The following OTOG variants were observed in gnomAD, a reference collection of about 807,000 sequenced individuals.
OTOG encodes otogelin.
OTOG carries 296 observed loss-of-function variants against 313.8 expected under a neutral mutation model. That is an observed-to-expected ratio of 0.94 (90% CI 0.86 to 1.04). OTOG has a LOEUF of 1.04. OTOG is among the 50% of genes least tolerant of loss of function. The probability of loss-of-function intolerance (pLI) is 0.00; values close to 1 mark genes in which losing one functional copy is unlikely to be tolerated. For missense variants in OTOG, 3,948 were observed against 3,840.1 expected (o/e 1.03, Z -0.74); for synonymous variants, 1,533 against 1,554.9 (o/e 0.99, Z 0.33).
chr11:17,576,764 G>C, intron 21 of OTOG, 104 bp from the exon 22 acceptor site: 1 of 1,474,228 alleles, frequency 6.8e-7, no homozygotes. Flanking sequence ...AAGTGAGTGA[G>C]GGTGTCTTTC....
chr11:17,551,726 G>A (rs906418631), intron 3 of OTOG, among the ~76,000 whole-genome samples: 1 of 152,138 alleles, frequency 6.6e-6, no homozygotes, highest in Admixed American at 6.5e-5. Flanking sequence ...GAGGGGAGGG[G>A]CTGTGTTCCA....
At chr11:17,599,796 C>G in intron 31 of OTOG, 99 bp downstream of exon 31, 1 of 1,398,836 alleles carries the variant, frequency 7.1e-7, no homozygotes, top group African/African-American at 1.4e-5. Flanking sequence ...GCTGCTGGCC[C>G]TGGAAGAGCC....
intron 33 of OTOG, among the ~76,000 whole-genome samples, chr11:17,607,300 C>T (rs1328155818): frequency 6.6e-6 from 1 of 152,206 alleles, no homozygotes; most frequent in Non-Finnish European, 1.5e-5. Context: ...GAGCCTGCTT[C>T]GGAGCCTACC....
chr11:17,638,313 T>C (rs1847896707), intron 47 of OTOG, 138 bp from the exon 48 acceptor site: 4 of 732,590 alleles, frequency 5.5e-6, no homozygotes, highest in Non-Finnish European at 8.7e-6. Context: ...CCCAGACTCT[T>C]CCCTGGGGCT....
Position 17,556,855 on chromosome 11 carries a change from A to C in OTOG, c.660-263A>C, listed in dbSNP as rs146403541. On this transcript the variant is annotated intron_variant, in intron 7 of 55. Coordinates refer to ENST00000399397, the MANE Select transcript of OTOG (RefSeq NM_001292063.2). Reference sequence around the variant, plus strand: ...TAAAGCAGATGTTTGTTTATATTCTATCCTGTCTGGGAGAAAGGAACTTGG... The same window carrying C: ...TAAAGCAGATGTTTGTTTATATTCTCTCCTGTCTGGGAGAAAGGAACTTGG... Among the ~76,000 whole-genome samples the C allele has an allele frequency of 6.2e-3, 951 of 152,288 alleles. 16 individuals are homozygous for C. The highest frequency in any genetic ancestry group is 0.022 in the African/African-American group (899 of 41,546).
At chr11:17,631,662 G>A in intron 40 of OTOG, 40 bp from the exon 41 acceptor site, 1 of 1,484,484 alleles carries the variant, frequency 6.7e-7, no homozygotes, top group Admixed American at 2.0e-5. Flanking sequence ...GGGAGTGGTA[G>A]TGATGATCGT....
chr11:17,576,660 C>T (rs1378241468), intron 21 of OTOG, 30 bp downstream of exon 21: 3 of 1,529,338 alleles, frequency 2.0e-6, no homozygotes, highest in Non-Finnish European at 1.8e-6. Context: ...GCCTTCTTGT[C>T]CTCTCTTTAA....
At chr11:17,591,016 TA>T (rs1472299624) in intron 24 of OTOG, among the ~76,000 whole-genome samples, 1 of 152,236 alleles carries the variant, frequency 6.6e-6, no homozygotes, top group Non-Finnish European at 1.5e-5. Context: ...TATTATTTTT[TA>T]TTTAGTGTAT....
Position 17,610,018 on chromosome 11 carries a change from C to G in OTOG, c.4718C>G (p.Ala1573Gly). Residue 1573 changes from alanine to glycine, a missense_variant, in exon 36 of 56, where the codon GCA becomes GGA. By Grantham distance (60) the Ala-to-Gly change is moderately conservative. Coordinates refer to ENST00000399397, the MANE Select transcript of OTOG (RefSeq NM_001292063.2). ...HTPESSSLPVALQTPTPGMVS... is the reference protein window; with the variant it reads ...HTPESSSLPVGLQTPTPGMVS... ...CCAGAGTCCTCATCCCTCCCTGTTG[C>G]ACTGCAGACACCCACACCTGGCATG... The G allele has an allele frequency of 6.5e-7, 1 of 1,546,930 alleles. No homozygotes were observed. The highest frequency in any genetic ancestry group is 8.7e-7 in the Non-Finnish European group (1 of 1,144,450).
chr11:17,635,194 C>G lies in OTOG; in HGVS notation c.7693+7C>G, dbSNP rs1413319794. ...TGCACCTCCTACTTCTGCGGTGGGT[C>G]GCCGCCACCAGACGCCAGCGCACAC... On this transcript the variant is annotated splice_region_variant and intron_variant, in intron 46 of 55. Coordinates refer to ENST00000399397, the MANE Select transcript of OTOG (RefSeq NM_001292063.2). 1 of 1,536,970 alleles carries G rather than the reference C, an allele frequency of 6.5e-7. No individual in the cohort carries two copies. The highest frequency in any genetic ancestry group is 1.4e-5 in the African/African-American group (1 of 72,780).
intron 39 of OTOG, among the ~76,000 whole-genome samples, chr11:17,623,658 T>C (rs1853917288): frequency 6.6e-6 from 1 of 152,262 alleles, no homozygotes; most frequent in African/African-American, 2.4e-5. Context: ...TCTGGGTATA[T>C]ACCCAGTAAT....
chr11:17,639,573 G>A (rs1847924839), intron 49 of OTOG, 110 bp downstream of exon 49: 8 of 1,185,182 alleles, frequency 6.8e-6, no homozygotes, highest in South Asian at 4.2e-5. Context: ...GGAACCCGGG[G>A]TTGCAAGTCA....
intron 44 of OTOG, 86 bp from the exon 45 acceptor site, chr11:17,634,758 G>T (rs987337612): frequency 2.6e-6 from 3 of 1,153,814 alleles, no homozygotes; most frequent in African/African-American, 3.1e-5. Flanking sequence ...GCGTCCAGGG[G>T]TTGGGCAGTT....
chr11:17,638,989 G>T, intron 48 of OTOG: 1 of 369,888 alleles, frequency 2.7e-6, no homozygotes, highest in Non-Finnish European at 5.2e-6. Context: ...GAGGGTGGAC[G>T]TTGCAGTGAG....
At chr11:17,607,594 T>C (rs1008775369) in intron 33 of OTOG, among the ~76,000 whole-genome samples, 4 of 152,238 alleles carry the variant, frequency 2.6e-5, no homozygotes, top group African/African-American at 9.6e-5. Flanking sequence ...GTGAGATATT[T>C]TGGGTAGCGC....
At position 17,609,854 on chromosome 11, in the gene OTOG, G is replaced by T; in HGVS notation, c.4554G>T (p.Glu1518Asp). 1 of 1,518,702 alleles carries T rather than the reference G, an allele frequency of 6.6e-7. No homozygotes were observed. Among genetic ancestry groups the T allele is most frequent in the Non-Finnish European group, 8.9e-7 (1 of 1,127,464 alleles). 94.1% of individuals were successfully genotyped at this position (1,518,702 alleles called of 1,614,324 possible). A position where few individuals can be genotyped will look rare whatever the true frequency, so the allele number is the denominator to read the frequency against. The change falls in exon 36 of 56, where the codon GAG (glutamate) becomes GAT (aspartate). Residue 1518 changes from glutamate to aspartate, a missense_variant. Glu to Asp is a conservative substitution (Grantham distance 45). Coordinates refer to ENST00000399397, the MANE Select transcript of OTOG (RefSeq NM_001292063.2). Reference sequence around the variant, plus strand: ...ACCCACCAGTGACAGCCACTGAGGAGCCAGTGGTGTCTCCAGGCCCCACCC... The same window carrying T: ...ACCCACCAGTGACAGCCACTGAGGATCCAGTGGTGTCTCCAGGCCCCACCC... ...ALNPPVTATE[E>D]PVVSPGPTQT...
Position 17,609,703 on chromosome 11 carries a change from C to T in OTOG, c.4403C>T (p.Thr1468Ile), listed in dbSNP as rs575174022. The T allele has an allele frequency of 2.0e-5, 31 of 1,525,040 alleles. No individual in the cohort carries two copies. Among genetic ancestry groups the T allele is most frequent in the Middle Eastern group, 3.4e-4 (2 of 5,852 alleles). The allele number at this position is 1,525,040 out of a possible 1,614,324, so 94.5% of individuals were successfully genotyped here. ...CCCACAGAGGCCCTTGGCAATGAGA[C>T]CCTCCCTCCCAGTCAAGGGTTGCCC... ...WVPTEALGNE[T>I]LPPSQGLPTP... The change falls in exon 36 of 56, where the codon ACC becomes ATC. Residue 1468 changes from threonine (T) to isoleucine (I), a missense_variant. Transcript: ENST00000399397.
chr11:17,644,543 G>A (rs919748778), intron 54 of OTOG, among the ~76,000 whole-genome samples: 1 of 152,242 alleles, frequency 6.6e-6, no homozygotes, highest in African/African-American at 2.4e-5. Flanking sequence ...CTGATATTTA[G>A]TGGGAGAGAC....
chr11:17,590,704 G>A (rs904181480), intron 24 of OTOG, among the ~76,000 whole-genome samples: 11 of 152,282 alleles, frequency 7.2e-5, no homozygotes, highest in Admixed American at 2.6e-4. Flanking sequence ...TCACCTGACC[G>A]TCCGTCGCCC....
Sources: allele counts gnomAD v4.1 joint callset (sites outside exome capture counted in the v4.1 genomes callset), GRCh38; gene constraint gnomAD v4.1.1; transcripts MANE v1.5; gene names NCBI Gene and HGNC (gene_info 2026-07-23, HGNC 2026-07-21).